The following SOS1 variants were observed in gnomAD, a reference collection of about 807,000 sequenced individuals.
SOS1 encodes the protein SOS Ras/Rac guanine nucleotide exchange factor 1.
A neutral mutation model predicts 157.6 loss-of-function variants in SOS1; 25 were observed. The ratio of observed to expected loss-of-function variants is 0.16; its 90% CI spans 0.12 to 0.22. SOS1 has a LOEUF of 0.22. Among genes scored for constraint, SOS1 ranks in the 10% least tolerant of loss-of-function variants. The pLI, the probability that SOS1 is intolerant of heterozygous loss-of-function variation, is 1.00. For missense variants in SOS1, 1,237 were observed against 1,599.1 expected, an observed-to-expected ratio of 0.77 and a Z score of 3.86; for synonymous variants, 528 against 534.0, an observed-to-expected ratio of 0.99 and a Z score of 0.16.
At chr2:39,011,143 C>T (rs1375157677) in intron 14 of SOS1, among the ~76,000 whole-genome samples, 4 of 152,068 alleles carry the variant, frequency 2.6e-5, no homozygotes, top group East Asian at 1.9e-4. Flanking sequence ...ATGATCCACC[C>T]GCCTTGGCCT....
intron 20 of SOS1, among the ~76,000 whole-genome samples, chr2:38,991,311 C>A (rs1226601481): frequency 6.6e-6 from 1 of 152,036 alleles, no homozygotes. Flanking sequence ...AAACTCATCA[C>A]CTACAGCAAT....
At chr2:39,056,449 T>C (rs1671215620) in intron 4 of SOS1, among the ~76,000 whole-genome samples, 1 of 151,876 alleles carries the variant, frequency 6.6e-6, no homozygotes, top group Non-Finnish European at 1.5e-5. Context: ...AATTAACTAT[T>C]AAGAGATTAC....
intron 1 of SOS1, among the ~76,000 whole-genome samples, chr2:39,082,878 C>G (rs1672256482): frequency 6.6e-6 from 1 of 151,910 alleles, no homozygotes; most frequent in South Asian, 2.1e-4. Flanking sequence ...TTCAGTATGT[C>G]CAAACAACAA....
At chr2:39,049,053 G>A (rs1197207934) in intron 6 of SOS1, among the ~76,000 whole-genome samples, 1 of 152,008 alleles carries the variant, frequency 6.6e-6, no homozygotes, top group Non-Finnish European at 1.5e-5. Context: ...GAGTAGCTGG[G>A]ATTACAGACA....
chr2:39,027,774 G>A (rs993515868), intron 8 of SOS1, among the ~76,000 whole-genome samples: 1 of 151,862 alleles, frequency 6.6e-6, no homozygotes, highest in African/African-American at 2.4e-5. Flanking sequence ...ACTAAATCCT[G>A]AGATTATATT....
intron 1 of SOS1, among the ~76,000 whole-genome samples, chr2:39,092,268 T>A (rs1369109520): frequency 6.6e-6 from 1 of 152,158 alleles, no homozygotes; most frequent in Non-Finnish European, 1.5e-5. Flanking sequence ...GGGAGGATCA[T>A]GGCTCACTGC....
Position 39,010,565 on chromosome 2 carries a change from G to C in SOS1, c.2510+19C>G, listed in dbSNP as rs375675348. On this transcript the variant is annotated intron_variant, in intron 15 of 22. Transcript: ENST00000402219. The stretch of plus-strand genomic sequence containing the variant: ...CATAGCTGACAGCTATAAAATATAA[G>C]AATGCTAGGAATACTTACTTCTCAA... The C allele has an allele frequency of 1.4e-5, 23 of 1,603,652 alleles. No homozygotes were observed. In the African/African-American group the frequency reaches 2.7e-4, roughly 19 times the overall value.
chr2:39,074,822 G>A (rs1055868702), intron 1 of SOS1, among the ~76,000 whole-genome samples: 8 of 150,994 alleles, frequency 5.3e-5, no homozygotes, highest in South Asian at 2.1e-4. Context: ...AGCCAAGATC[G>A]TGCCATTGCA....
rs1289000168 is a variant in SOS1, at chr2:39,040,969, G to C, written c.865-5469C>G. ...TTATATTTCTATCAGCAAAATACGAGGGTCTCAAATTCTCCACATCTTCAT... is the reference window on the plus strand; with the variant it reads ...TTATATTTCTATCAGCAAAATACGACGGTCTCAAATTCTCCACATCTTCAT... On this transcript the variant is annotated intron_variant, in intron 6 of 22. Transcript: ENST00000402219. Among the ~76,000 whole-genome samples the C allele has an allele frequency of 4.6e-5, 7 of 152,176 alleles. No individual in the cohort carries two copies. The East Asian group carries it at 1.3e-3, about 29-fold the overall frequency.
intron 17 of SOS1, among the ~76,000 whole-genome samples, chr2:39,001,354 C>T (rs572879536): frequency 9.9e-5 from 15 of 152,186 alleles, no homozygotes; most frequent in Non-Finnish European, 1.3e-4. Flanking sequence ...TGAGCCACTG[C>T]GCCCAGCTGA....
chr2:39,062,443 A>G (rs1053086914), intron 2 of SOS1, among the ~76,000 whole-genome samples: 4 of 150,164 alleles, frequency 2.7e-5, no homozygotes, highest in African/African-American at 9.7e-5. Context: ...ATTAAAAAAA[A>G]AAAGAAAAGA....
At chr2:39,064,742 A>ATTTTTTTTTTTTTTTTT (rs4015841) in intron 2 of SOS1, among the ~76,000 whole-genome samples, 2 of 74,816 alleles carry the variant, frequency 2.7e-5, no homozygotes, top group Non-Finnish European at 4.6e-5. Flanking sequence ...TTTAAAATAC[A>ATTTTTTTTTTTTTTTTT]TTTTTTTTTT....
At chr2:39,041,358 T>C (rs1419561544) in intron 6 of SOS1, among the ~76,000 whole-genome samples, 2 of 152,250 alleles carry the variant, frequency 1.3e-5, no homozygotes, top group Non-Finnish European at 2.9e-5. Flanking sequence ...TATATCTTCA[T>C]TGGAGAAATA....
At chr2:39,086,208 G>T (rs1672362479) in intron 1 of SOS1, among the ~76,000 whole-genome samples, 1 of 152,230 alleles carries the variant, frequency 6.6e-6, no homozygotes, top group Non-Finnish European at 1.5e-5. Context: ...AAGCTGAAGG[G>T]TGAGCAGAAT....
chr2:39,074,735 C>T (rs1320043746), intron 1 of SOS1, among the ~76,000 whole-genome samples: 1 of 151,676 alleles, frequency 6.6e-6, no homozygotes, highest in Admixed American at 6.6e-5. Flanking sequence ...GGTATGGTGG[C>T]ACGTGCCTGT....
At chr2:38,989,352 T>C in intron 20 of SOS1, 38 bp from the exon 21 acceptor site, 1 of 1,407,504 alleles carries the variant, frequency 7.1e-7, no homozygotes, top group South Asian at 1.2e-5. Flanking sequence ...TTTTTTTCTT[T>C]CATTGATATA....
chr2:39,095,470 T>A (rs1303055632), intron 1 of SOS1, among the ~76,000 whole-genome samples: 1 of 152,146 alleles, frequency 6.6e-6, no homozygotes, highest in African/African-American at 2.4e-5. Context: ...ATTTCCTAGG[T>A]TATCAAGAGA....
At chr2:39,028,744 A>T (rs1339801269) in intron 8 of SOS1, among the ~76,000 whole-genome samples, 3 of 152,244 alleles carry the variant, frequency 2.0e-5, no homozygotes, top group African/African-American at 7.2e-5. Flanking sequence ...CAAGAAATAT[A>T]CATTGTAATT....
upstream of SOS1, chr2:39,124,263 AGT>A (rs913731944): frequency 3.3e-5 from 5 of 152,280 alleles, no homozygotes; most frequent in Non-Finnish European, 7.3e-5. Context: ...TAGACGTAAA[AGT>A]GTCGCCCACC....
Sources: allele counts gnomAD v4.1 joint callset (sites outside exome capture counted in the v4.1 genomes callset), GRCh38; gene constraint gnomAD v4.1.1; transcripts MANE v1.5; gene names NCBI Gene and HGNC (gene_info 2026-07-23, HGNC 2026-07-21).